BICD2: variants seen among roughly 807,000 people sequenced by gnomAD.
BICD2 encodes protein bicaudal D homolog 2.
Under a neutral mutation model 72.9 loss-of-function variants are expected in BICD2, and 25 were observed. The observed-to-expected ratio is 0.34, with a 90% CI of 0.25 to 0.48. BICD2 has a LOEUF of 0.48. Among genes scored for constraint, BICD2 ranks in the 20% least tolerant of loss-of-function variants. The pLI, the probability that BICD2 is intolerant of heterozygous loss-of-function variation, is 0.99. For missense variants in BICD2, 894 were observed against 1,175.2 expected (o/e 0.76, Z 3.50); for synonymous variants, 501 against 516.1 (o/e 0.97, Z 0.40).
chr9:92,752,707 C>G (rs1444251825), intron 1 of BICD2, among the ~76,000 whole-genome samples: 1 of 152,110 alleles, frequency 6.6e-6, no homozygotes, highest in African/African-American at 2.4e-5. Context: ...CAGTGAGTCA[C>G]GATCACACCA....
chr9:92,736,166 C>T (rs557105227), intron 1 of BICD2, among the ~76,000 whole-genome samples: 2 of 152,326 alleles, frequency 1.3e-5, no homozygotes, highest in South Asian at 4.1e-4. Flanking sequence ...ATAAAACAGG[C>T]TGCAGTAATT....
intron 2 of BICD2, among the ~76,000 whole-genome samples, chr9:92,724,866 T>G (rs1356480183): frequency 6.6e-6 from 1 of 152,180 alleles, no homozygotes; most frequent in East Asian, 1.9e-4. Flanking sequence ...GTTCCTGCTT[T>G]TTCCTTGCTA....
At chr9:92,745,511 C>T (rs1220573212) in intron 1 of BICD2, among the ~76,000 whole-genome samples, 4 of 151,956 alleles carry the variant, frequency 2.6e-5, no homozygotes, top group African/African-American at 7.3e-5. Flanking sequence ...CCTCTCCACC[C>T]CCAGGTTTTC....
chr9:92,758,096 C>T (rs1396467894), intron 1 of BICD2, among the ~76,000 whole-genome samples: 3 of 151,204 alleles, frequency 2.0e-5, no homozygotes, highest in Non-Finnish European at 3.0e-5. Context: ...CCCAGCTACT[C>T]GGGAGGCTGA....
At chr9:92,731,684 T>C (rs1465515954) in intron 1 of BICD2, among the ~76,000 whole-genome samples, 1 of 151,980 alleles carries the variant, frequency 6.6e-6, no homozygotes, top group Admixed American at 6.6e-5. Flanking sequence ...GACTGGAAGA[T>C]GGCGGAAGAT....
chr9:92,740,082 C>T (rs1400425710), intron 1 of BICD2, among the ~76,000 whole-genome samples: 1 of 152,160 alleles, frequency 6.6e-6, no homozygotes, highest in African/African-American at 2.4e-5. Flanking sequence ...GTGACCCAAA[C>T]AGCCTAGTAC....
chr9:92,737,859 G>A (rs1452898068), intron 1 of BICD2, among the ~76,000 whole-genome samples: 1 of 152,242 alleles, frequency 6.6e-6, no homozygotes, highest in Non-Finnish European at 1.5e-5. Context: ...ATGGGGAAGT[G>A]CGCCAGGTGG....
chr9:92,745,659 C>G (rs1853995523), intron 1 of BICD2, among the ~76,000 whole-genome samples: 1 of 152,198 alleles, frequency 6.6e-6, no homozygotes, highest in Non-Finnish European at 1.5e-5. Flanking sequence ...TACCCCAAGG[C>G]ATCGCTGCAC....
chr9:92,750,954 AG>A (rs1277536455), intron 1 of BICD2, among the ~76,000 whole-genome samples: 1 of 152,118 alleles, frequency 6.6e-6, no homozygotes, highest in Non-Finnish European at 1.5e-5. Context: ...TCTGTTGCCC[AG>A]GCTGGAGTGC....
At chr9:92,734,966 T>C (rs1445503925) in intron 1 of BICD2, among the ~76,000 whole-genome samples, 2 of 152,198 alleles carry the variant, frequency 1.3e-5, no homozygotes, top group East Asian at 1.9e-4. Flanking sequence ...CCCATAAGAC[T>C]AGGCTCATCT....
intron 1 of BICD2, among the ~76,000 whole-genome samples, chr9:92,738,694 C>T (rs1398633297): frequency 6.6e-6 from 1 of 152,182 alleles, no homozygotes; most frequent in East Asian, 1.9e-4. Flanking sequence ...CTCTGGCTCC[C>T]TGGAGAAGGC....
chr9:92,737,544 C>G (rs190649897), intron 1 of BICD2, among the ~76,000 whole-genome samples: 1 of 152,146 alleles, frequency 6.6e-6, no homozygotes, highest in Non-Finnish European at 1.5e-5. Flanking sequence ...CCATACCAGA[C>G]GCTTAGGCCC....
chr9:92,722,359 C>A (rs919548595), intron 3 of BICD2, among the ~76,000 whole-genome samples: 1 of 152,222 alleles, frequency 6.6e-6, no homozygotes, highest in Non-Finnish European at 1.5e-5. Flanking sequence ...AAAGTCCAAT[C>A]TGGGGTTTTC....
At position 92,720,440 on chromosome 9, in the gene BICD2, GGCC is replaced by G; in HGVS notation, c.919_921del (p.Gly307del). 1 of 1,614,196 alleles carries G rather than the reference GGCC, an allele frequency of 6.2e-7. No homozygotes were observed. The highest frequency in any genetic ancestry group is 8.5e-7 in the Non-Finnish European group (1 of 1,180,040). On this transcript the variant is annotated inframe_deletion, in exon 4 of 7. Coordinates refer to ENST00000356884, the MANE Select transcript of BICD2 (RefSeq NM_001003800.2). This position sits in a 1 kb window ranked among gnomAD's most constrained non-coding sequence, Gnocchi z 5.4. Reference sequence around the variant, plus strand: ...TTGTTGTCCAGTGGCAGCTTGGCCAGGCCGCCGTGCTCAAAGCCATTGACCAGG... The same window carrying G: ...TTGTTGTCCAGTGGCAGCTTGGCCAGGCCGTGCTCAAAGCCATTGACCAGG...
intron 1 of BICD2, among the ~76,000 whole-genome samples, chr9:92,733,673 C>G (rs892896720): frequency 4.0e-5 from 6 of 151,486 alleles, no homozygotes; most frequent in Non-Finnish European, 8.8e-5. Flanking sequence ...AACTATAAAA[C>G]TTTCAGAAGA....
In BICD2 at chr9:92,764,717, A is replaced by G; in HGVS notation, c.28T>C (p.Tyr10His). The change falls in exon 1 of 7, where the codon TAC becomes CAC. Residue 10 changes from tyrosine to histidine, a missense_variant. This residue lies in a region of BICD2 where 192 missense variants were observed against 243.6 expected (regional missense o/e 0.79). Transcript: ENST00000356884. This position sits in a 1 kb window ranked among gnomAD's most constrained non-coding sequence, Gnocchi z 5.5. ...TGCGCCTCCATCACCAGCCGCGCGT[A>G]CTCCTCCTCCTCCGACGGCGCCGAC... Reference protein sequence around the residue: MSAPSEEEEYARLVMEAQPE... With the variant: MSAPSEEEEHARLVMEAQPE... The G allele has an allele frequency of 6.3e-7, 1 of 1,580,078 alleles. No homozygotes were observed. The highest frequency in any genetic ancestry group is 8.5e-7 in the Non-Finnish European group (1 of 1,170,996).
chr9:92,756,247 G>A (rs1326586947), intron 1 of BICD2, among the ~76,000 whole-genome samples: 1 of 149,438 alleles, frequency 6.7e-6, no homozygotes, highest in Non-Finnish European at 1.5e-5. Context: ...AGCTGAAGGA[G>A]GCACCCTGGC....
intron 1 of BICD2, among the ~76,000 whole-genome samples, chr9:92,753,498 A>AT (rs1420223883): frequency 6.6e-6 from 1 of 152,168 alleles, no homozygotes; most frequent in African/African-American, 2.4e-5. Context: ...AAAGTAGTTC[A>AT]TTTTTTAAAA....
intron 1 of BICD2, among the ~76,000 whole-genome samples, chr9:92,737,437 T>C (rs1401913104): frequency 6.6e-6 from 1 of 152,080 alleles, no homozygotes; most frequent in Non-Finnish European, 1.5e-5. Flanking sequence ...CAGGATGTGG[T>C]TGAGGCTATT....
Sources: allele counts gnomAD v4.1 joint callset (sites outside exome capture counted in the v4.1 genomes callset), GRCh38; gene constraint gnomAD v4.1.1; regional missense constraint gnomAD v4.1.1; non-coding constraint Gnocchi (gnomAD v3.1); transcripts MANE v1.5; gene names NCBI Gene and HGNC (gene_info 2026-07-23, HGNC 2026-07-21).